The following GSE1 variants were observed in gnomAD, a reference collection of about 807,000 sequenced individuals.
GSE1 encodes the protein genetic suppressor element 1.
A neutral mutation model predicts 112.6 loss-of-function variants in GSE1; 32 were observed. The observed-to-expected ratio is 0.28, with a 90% CI of 0.21 to 0.38. The LOEUF is 0.38. Ranked by LOEUF, GSE1 falls within the 10% of genes least tolerant of loss-of-function variation. GSE1 has a pLI of 1.00. For missense variants in GSE1, 2,348 were observed against 1,699.2 expected, an observed-to-expected ratio of 1.38 and a Z score of -6.71; for synonymous variants, 1,115 against 735.6, an observed-to-expected ratio of 1.52 and a Z score of -8.35.
In GSE1 at chr16:85,252,757, C is replaced by A. The variant is rs78312184; in HGVS notation, c.2283+80950C>A. 8.1e-3 allele frequency among the ~76,000 whole-genome samples: 1,234 copies of A among 152,342 alleles called. 15 individuals carry two copies. Among genetic ancestry groups the A allele is most frequent in the African/African-American group, 0.028 (1,182 of 41,566 alleles). ...AACGCCACAGTTGAGTCACCCCATT[C>A]ACCTGCCCCGAGTTACAGGTGCAGT... is the stretch of plus-strand genomic sequence containing the variant. On this transcript the variant is annotated intron_variant, in intron 1 of 2. Coordinates refer to the GSE1 transcript ENST00000637419.
In GSE1 at chr16:85,244,745, C is replaced by T. The variant is rs139887611; in HGVS notation, c.2283+72938C>T. 2.4e-3 allele frequency among the ~76,000 whole-genome samples: 363 copies of T among 152,142 alleles called. 2 individuals carry two copies. The highest frequency in any genetic ancestry group is 8.0e-3 in the African/African-American group (331 of 41,492). ...ATTGCTCACACCTATAATCCCAGCA[C>T]TTTGGGAGGCCGAGGCCGGTGGATC... On this transcript the variant is annotated intron_variant, in intron 1 of 2. Coordinates refer to the GSE1 transcript ENST00000637419.
chr16:85,173,854 G>T (rs927833497), intron 1 of GSE1, among the ~76,000 whole-genome samples: 1 of 152,170 alleles, frequency 6.6e-6, no homozygotes, highest in Non-Finnish European at 1.5e-5. Flanking sequence ...GGTCAGCATG[G>T]GTTTGGTGAG....
At chr16:85,587,726 C>CT (rs2046774257) in intron 1 of GSE1, among the ~76,000 whole-genome samples, 1 of 151,950 alleles carries the variant, frequency 6.6e-6, no homozygotes, top group Admixed American at 6.6e-5. Flanking sequence ...GGAGCCAGTG[C>CT]TAGAGGGCTG....
chr16:85,293,299 C>A (rs2966860), intron 1 of GSE1, among the ~76,000 whole-genome samples: 78,534 of 151,918 alleles, frequency 0.52, 21,076 homozygotes, highest in African/African-American at 0.67. Context: ...TAATCCCAGC[C>A]CTCTGGGAGG....
chr16:85,657,130 G>A (rs1265863647), intron 7 of GSE1, 147 bp from the exon 8 acceptor site: 1 of 562,314 alleles, frequency 1.8e-6, no homozygotes, highest in East Asian at 3.2e-5. Context: ...CTCCCGTAGG[G>A]CCCCTTCTGA....
chr16:85,191,121 G>C (rs956101629), intron 1 of GSE1, among the ~76,000 whole-genome samples: 1 of 152,098 alleles, frequency 6.6e-6, no homozygotes, highest in South Asian at 2.1e-4. Context: ...TTAGCTGGGC[G>C]TGGTGTTGTG....
chr16:85,515,568 C>T (rs893366438), intron 2 of GSE1, among the ~76,000 whole-genome samples: 2 of 151,746 alleles, frequency 1.3e-5, no homozygotes, highest in African/African-American at 4.8e-5. Context: ...CCTCTGAGGA[C>T]CCTGGGGCGC....
intron 2 of GSE1, among the ~76,000 whole-genome samples, chr16:85,416,840 G>A (rs1445207404): frequency 6.6e-6 from 1 of 152,116 alleles, no homozygotes; most frequent in East Asian, 1.9e-4. Flanking sequence ...TTCTTGTTTT[G>A]TTTTTTGTTT....
chr16:85,302,334 C>T (rs992472831), intron 1 of GSE1, among the ~76,000 whole-genome samples: 1 of 152,132 alleles, frequency 6.6e-6, no homozygotes, highest in East Asian at 1.9e-4. Context: ...TGCTAAGGGG[C>T]GACCTTAGCA....
In GSE1 at chr16:85,672,978, A is replaced by C. The variant is rs1240824166; in HGVS notation, c.*439A>C. On this transcript the variant is annotated 3_prime_UTR_variant, in exon 16 of 16. Transcript: ENST00000253458. Reference sequence around the variant, plus strand: ...TTGCCGCAGCGATGGGGCCAGTCTCATTCCTCCCCAGGAGTGAAACTTGCT... The same window carrying C: ...TTGCCGCAGCGATGGGGCCAGTCTCCTTCCTCCCCAGGAGTGAAACTTGCT... The C allele has an allele frequency of 6.5e-6, 1 of 152,762 alleles. No homozygotes were observed. The highest frequency in any genetic ancestry group is 1.9e-4 in the East Asian group (1 of 5,212). The allele number at this position is 152,762 out of a possible 1,614,324, so 9.5% of individuals were successfully genotyped here. A position where few individuals can be genotyped will look rare whatever the true frequency, so the allele number is the denominator to read the frequency against.
intron 2 of GSE1, among the ~76,000 whole-genome samples, chr16:85,433,686 C>A (rs536529275): frequency 6.6e-6 from 1 of 151,238 alleles, no homozygotes; most frequent in South Asian, 2.1e-4. Flanking sequence ...ATTGGATGAG[C>A]AGAAGGATAG....
chr16:85,589,690 C>T (rs1223687280), intron 1 of GSE1, among the ~76,000 whole-genome samples: 7 of 152,094 alleles, frequency 4.6e-5, no homozygotes, highest in Non-Finnish European at 8.8e-5. Flanking sequence ...GGAATGTGAA[C>T]GTGAGATATT....
In GSE1 at chr16:85,634,140, G is replaced by T; in HGVS notation, c.226+8G>T. On this transcript the variant is annotated splice_region_variant and intron_variant, in intron 2 of 15. Coordinates refer to ENST00000253458, the MANE Select transcript of GSE1 (RefSeq NM_014615.5). ...AGGCGGAGGAGCCCAGAGGTAAGGG[G>T]GCCCGCCAGGCTGCGCGTGGGGGGA... The T allele has an allele frequency of 6.9e-7, 1 of 1,449,488 alleles. No individual in the cohort carries two copies. The highest frequency in any genetic ancestry group is 9.0e-7 in the Non-Finnish European group (1 of 1,108,968). The allele number at this position is 1,449,488 out of a possible 1,614,324, so 89.8% of individuals were successfully genotyped here.
At chr16:85,551,549 C>T (rs541233638), upstream of GSE1, among the ~76,000 whole-genome samples, 5 of 152,370 alleles carry the variant, frequency 3.3e-5, no homozygotes, top group East Asian at 5.8e-4. Flanking sequence ...AATGGAAGGC[C>T]GCCCGGGAGG....
At chr16:85,492,640 T>C (rs1192247918) in intron 2 of GSE1, among the ~76,000 whole-genome samples, 1 of 152,168 alleles carries the variant, frequency 6.6e-6, no homozygotes, top group Non-Finnish European at 1.5e-5. Flanking sequence ...TGGCAGAGGT[T>C]GGATTTCAAC....
chr16:85,312,126 G>A (rs1320214849), intron 1 of GSE1, among the ~76,000 whole-genome samples: 10 of 138,124 alleles, frequency 7.2e-5, no homozygotes, highest in South Asian at 4.4e-4. Flanking sequence ...TGGCCCCCTC[G>A]CCCACCGCTT....
chr16:85,572,203 A>C (rs2046019285), intron 1 of GSE1, among the ~76,000 whole-genome samples: 1 of 149,150 alleles, frequency 6.7e-6, no homozygotes, highest in African/African-American at 2.5e-5. Context: ...CACACAACAC[A>C]CACAGCACGC....
chr16:85,480,604 T>TG (rs560262344), intron 2 of GSE1, among the ~76,000 whole-genome samples: 406 of 152,278 alleles, frequency 2.7e-3, no homozygotes, highest in African/African-American at 7.1e-3. Context: ...CCATCGGACC[T>TG]GTTCCTCTGC....
chr16:85,253,723 G>T (rs1208703118), intron 1 of GSE1, among the ~76,000 whole-genome samples: 1 of 152,218 alleles, frequency 6.6e-6, no homozygotes, highest in Non-Finnish European at 1.5e-5. Context: ...AAGGAGGGTG[G>T]CAAGAGTGCT....
Sources: allele counts gnomAD v4.1 joint callset (sites outside exome capture counted in the v4.1 genomes callset), GRCh38; gene constraint gnomAD v4.1.1; transcripts MANE v1.5; gene names NCBI Gene and HGNC (gene_info 2026-07-23, HGNC 2026-07-21).